KIF26B: variants seen among roughly 807,000 people sequenced by gnomAD.
KIF26B encodes the protein kinesin-like protein KIF26B.
KIF26B carries 63 observed loss-of-function variants against 151.2 expected under a neutral mutation model. The ratio of observed to expected loss-of-function variants is 0.42; its 90% CI spans 0.34 to 0.51. The LOEUF (loss-of-function observed/expected upper bound fraction) is 0.51, where lower values mean the gene tolerates loss of function less well. KIF26B is among the 20% of genes least tolerant of loss of function. The pLI, the probability that KIF26B is intolerant of heterozygous loss-of-function variation, is 0.07. For synonymous variants in KIF26B, 1,357 were observed against 1,262.1 expected (o/e 1.08, Z -1.59); for missense variants, 2,813 against 2,913.6 (o/e 0.97, Z 0.79).
intron 5 of KIF26B, among the ~76,000 whole-genome samples, chr1:245,562,438 C>G (rs531862535): frequency 1.3e-5 from 2 of 152,146 alleles, no homozygotes; most frequent in South Asian, 4.1e-4. Context: ...GACGGCACAT[C>G]CTCACTCTGA....
chr1:245,678,509 G>T lies in KIF26B; in HGVS notation c.2259-5724G>T, dbSNP rs185628295. 1.2e-4 allele frequency among the ~76,000 whole-genome samples: 19 copies of T among 152,198 alleles called. 1 individual carries two copies. In the East Asian group the frequency reaches 3.7e-3, roughly 29 times the overall value. On this transcript the variant is annotated intron_variant, in intron 10 of 14. Coordinates refer to ENST00000407071, the MANE Select transcript of KIF26B (RefSeq NM_018012.4). ...TGTTGTTATCTTGGCTATCTCATGC[G>T]TGTAAGAATTCTGTGTGTGTAGTTT...
intron 9 of KIF26B, among the ~76,000 whole-genome samples, chr1:245,619,246 C>G (rs1465040822): frequency 6.6e-6 from 1 of 152,016 alleles, no homozygotes; most frequent in Non-Finnish European, 1.5e-5. Context: ...CCCTATTAGA[C>G]TATGGGTTCC....
chr1:245,341,311 T>TG (rs1672328949), intron 2 of KIF26B, among the ~76,000 whole-genome samples: 1 of 63,690 alleles, frequency 1.6e-5, no homozygotes, highest in Non-Finnish European at 2.3e-5. Flanking sequence ...CAGTTTTTTT[T>TG]TTTTTTTTTT....
At position 245,686,466 on chromosome 1, in the gene KIF26B, T is replaced by C. The variant is rs750584631; in HGVS notation, c.3483T>C (p.Pro1161=). 1 of 1,613,216 alleles carries C rather than the reference T, an allele frequency of 6.2e-7. No homozygotes were observed. Among genetic ancestry groups the C allele is most frequent in the South Asian group, 1.1e-5 (1 of 91,084 alleles). ...ATGATGAGCAGCAGGCAGCTACTCC[T>C]TCAGAGTCCAAGAAGGAGATCCTGA... ...PVDDEQQAAT[P]SESKKEILST... is the part of the protein sequence containing the mutation. The change falls in exon 12 of 15, where the codon CCT becomes CCC. Residue 1161 remains proline, a synonymous_variant. Coordinates refer to ENST00000407071, the MANE Select transcript of KIF26B (RefSeq NM_018012.4). The surrounding 1 kb of genome is among the most constrained non-coding windows in gnomAD (Gnocchi z 5.6).
intron 10 of KIF26B, among the ~76,000 whole-genome samples, chr1:245,659,527 G>A (rs1404665758): frequency 1.3e-5 from 2 of 152,138 alleles, no homozygotes; most frequent in Non-Finnish European, 2.9e-5. Flanking sequence ...TATTTTCTGA[G>A]CCAGATAAAA....
chr1:245,565,196 A>G (rs2042997215), intron 5 of KIF26B, among the ~76,000 whole-genome samples: 1 of 152,212 alleles, frequency 6.6e-6, no homozygotes, highest in African/African-American at 2.4e-5. Context: ...GTGATATTTT[A>G]TAGCGCTGTC....
chr1:245,450,218 T>G (rs1159423665), intron 4 of KIF26B, among the ~76,000 whole-genome samples: 1 of 152,194 alleles, frequency 6.6e-6, no homozygotes. Flanking sequence ...CTGTTGGCCT[T>G]GTGGTTCCAT....
In KIF26B at chr1:245,686,323, G is replaced by A; in HGVS notation, c.3340G>A (p.Ala1114Thr). 3 of 1,613,192 alleles carry A rather than the reference G, an allele frequency of 1.9e-6. No homozygotes were observed. Among genetic ancestry groups the A allele is most frequent in the Non-Finnish European group, 2.5e-6 (3 of 1,179,858 alleles). The change falls in exon 12 of 15, where the codon GCG becomes ACG. Residue 1114 changes from alanine to threonine, a missense_variant. Transcript: ENST00000407071. This position sits in a 1 kb window ranked among gnomAD's most constrained non-coding sequence, Gnocchi z 5.6. ...TCCCTCGAGCAAGGATTCCGGCGTG[G>A]CGTCTAGGGAGTCCTTGCTGCAGCC... ...LPPSSKDSGVASRESLLQPEV... is the reference protein window; with the variant it reads ...LPPSSKDSGVTSRESLLQPEV...
intron 4 of KIF26B, among the ~76,000 whole-genome samples, chr1:245,500,487 G>A (rs1660598372): frequency 6.6e-6 from 1 of 152,182 alleles, no homozygotes; most frequent in African/African-American, 2.4e-5. Context: ...CCAAACAATA[G>A]GTTGAAAACT....
At chr1:245,684,121 GT>G (rs2044475315) in intron 10 of KIF26B, 111 bp from the exon 11 acceptor site, 1 of 1,143,600 alleles carries the variant, frequency 8.7e-7, no homozygotes, top group Non-Finnish European at 1.2e-6. Context: ...ATTAAAAAGG[GT>G]GGGGGGACCA....
rs143329903 is a variant in KIF26B at position 245,618,508 on chromosome 1, A to G, written c.2098+6532A>G. 7.6e-4 allele frequency among the ~76,000 whole-genome samples: 109 copies of G among 142,570 alleles called. No individual in the cohort carries two copies. The East Asian group carries it at 0.019, about 24-fold the overall frequency. 93.5% of individuals were successfully genotyped at this position (142,570 alleles called of 152,430 possible). A position where few individuals can be genotyped will look rare whatever the true frequency, so the allele number is the denominator to read the frequency against. ...TCCGCTGCGTCAGTGTCCAAGCCCT[A>G]TTAGACTATAGGGTCCTTGAGACAG... is the stretch of plus-strand genomic sequence containing the variant. On this transcript the variant is annotated intron_variant, in intron 9 of 14. Transcript: ENST00000407071.
intron 4 of KIF26B, among the ~76,000 whole-genome samples, chr1:245,505,214 A>C (rs775126149): frequency 3.3e-5 from 5 of 150,224 alleles, no homozygotes; most frequent in Non-Finnish European, 5.9e-5. Flanking sequence ...CTGGGATTAC[A>C]GACATGAGCC....
At position 245,217,862 on chromosome 1, in the gene KIF26B, T is replaced by C. The variant is rs568247336; in HGVS notation, c.465+61179T>C. Among the ~76,000 whole-genome samples, 4 of 152,246 alleles carry C rather than the reference T, an allele frequency of 2.6e-5. No homozygotes were observed. In the East Asian group the frequency reaches 5.8e-4, roughly 22 times the overall value. ...AGCTGCCAGCAGTTGCACACCCACA[T>C]GCGCCATCCCATTTGATCATCACCA... On this transcript the variant is annotated intron_variant, in intron 2 of 14. Coordinates refer to ENST00000407071, the MANE Select transcript of KIF26B (RefSeq NM_018012.4).
At chr1:245,440,727 T>G (rs1270310979) in intron 4 of KIF26B, among the ~76,000 whole-genome samples, 2 of 152,228 alleles carry the variant, frequency 1.3e-5, no homozygotes, top group Non-Finnish European at 2.9e-5. Context: ...TACATCATTT[T>G]TTAAAGCGGT....
At chr1:245,220,248 C>G (rs747953494) in intron 2 of KIF26B, among the ~76,000 whole-genome samples, 21 of 152,246 alleles carry the variant, frequency 1.4e-4, no homozygotes, top group Admixed American at 4.6e-4. Context: ...CAATAATCAC[C>G]GATAGGAAAG....
At chr1:245,655,644 C>T (rs1572181396) in intron 10 of KIF26B, among the ~76,000 whole-genome samples, 1 of 152,198 alleles carries the variant, frequency 6.6e-6, no homozygotes, top group African/African-American at 2.4e-5. Flanking sequence ...GGGTTCGATG[C>T]TGCTGCACCC....
At chr1:245,549,103 G>T (rs1357701267) in intron 5 of KIF26B, among the ~76,000 whole-genome samples, 1 of 152,164 alleles carries the variant, frequency 6.6e-6, no homozygotes, top group Non-Finnish European at 1.5e-5. Context: ...AATGGAGATG[G>T]TAGGCTTGTG....
intron 4 of KIF26B, among the ~76,000 whole-genome samples, chr1:245,483,808 C>T (rs1201321152): frequency 2.0e-5 from 3 of 151,782 alleles, no homozygotes; most frequent in Admixed American, 1.3e-4. Flanking sequence ...TCTTACAGGG[C>T]GACTACTTGG....
At chr1:245,625,110 A>G (rs1266979589) in intron 9 of KIF26B, among the ~76,000 whole-genome samples, 1 of 152,152 alleles carries the variant, frequency 6.6e-6, no homozygotes, top group East Asian at 1.9e-4. Context: ...GTTCTGTTCC[A>G]TTGATCTATT....
Sources: allele counts gnomAD v4.1 joint callset (sites outside exome capture counted in the v4.1 genomes callset), GRCh38; gene constraint gnomAD v4.1.1; non-coding constraint Gnocchi (gnomAD v3.1); transcripts MANE v1.5; gene names NCBI Gene and HGNC (gene_info 2026-07-23, HGNC 2026-07-21).